The following PDE8B variants were observed in gnomAD, a reference collection of about 807,000 sequenced individuals.
PDE8B encodes high affinity cAMP-specific and IBMX-insensitive 3',5'-cyclic phosphodiesterase 8B.
PDE8B carries 26 observed loss-of-function variants against 101.3 expected under a neutral mutation model. The ratio of observed to expected loss-of-function variants is 0.26; its 90% CI spans 0.19 to 0.36. The LOEUF (loss-of-function observed/expected upper bound fraction) is 0.36, where lower values mean the gene tolerates loss of function less well. PDE8B is among the 10% of genes least tolerant of loss of function. The pLI is 1.00. For synonymous variants in PDE8B, 424 were observed against 429.3 expected (o/e 0.99, Z 0.15); for missense variants, 810 against 1,163.1 (o/e 0.70, Z 4.42).
chr5:77,368,040 T>G (rs778501919), intron 10 of PDE8B, among the ~76,000 whole-genome samples: 2 of 152,248 alleles, frequency 1.3e-5, no homozygotes, highest in Non-Finnish European at 2.9e-5. Context: ...GAATAAGAGA[T>G]AAGTTGGAAA....
the PDE8B span, among the ~76,000 whole-genome samples, chr5:77,101,613 C>T: frequency 6.6e-6 from 1 of 152,092 alleles, no homozygotes; most frequent in Non-Finnish European, 1.5e-5. Context: ...TATCGTGCAT[C>T]TGACACGTTG....
intron 11 of PDE8B, among the ~76,000 whole-genome samples, chr5:77,403,687 T>A (rs1302007553): frequency 6.6e-6 from 1 of 152,174 alleles, no homozygotes; most frequent in Non-Finnish European, 1.5e-5. Context: ...GTATAATAAA[T>A]ATTTTAAGCT....
the PDE8B span, among the ~76,000 whole-genome samples, chr5:77,116,179 C>G: frequency 6.9e-6 from 1 of 145,612 alleles, no homozygotes; most frequent in Non-Finnish European, 1.5e-5. Flanking sequence ...CCAAAGTCTT[C>G]AGAGTCTGAG....
intron 1 of PDE8B, among the ~76,000 whole-genome samples, chr5:77,218,406 G>A (rs1750286204): frequency 3.9e-5 from 6 of 152,324 alleles, no homozygotes; most frequent in Admixed American, 3.9e-4. Flanking sequence ...AATTTCCCAA[G>A]GCGAGGACTG....
chr5:77,291,555 A>C (rs1015257405), intron 1 of PDE8B: 1 of 1,601,094 alleles, frequency 6.2e-7, no homozygotes, highest in Non-Finnish European at 8.5e-7. Flanking sequence ...ACTTTCAAGT[A>C]GCAACTTTAC....
At chr5:77,393,832 G>A (rs1349080987) in intron 10 of PDE8B, among the ~76,000 whole-genome samples, 1 of 152,150 alleles carries the variant, frequency 6.6e-6, no homozygotes, top group Non-Finnish European at 1.5e-5. Context: ...CTGTCAGAAA[G>A]TGATATTCTT....
At chr5:77,326,047 T>C (rs1164857154) in intron 3 of PDE8B, among the ~76,000 whole-genome samples, 1 of 152,216 alleles carries the variant, frequency 6.6e-6, no homozygotes, top group Non-Finnish European at 1.5e-5. Context: ...ATTACACAGA[T>C]ACGGTTTGGA....
Position 77,419,783 on chromosome 5 carries a change from C to T in PDE8B, c.2146C>T (p.Leu716=), listed in dbSNP as rs571323043. Residue 716 remains leucine, a synonymous_variant, in exon 19 of 22, where the codon CTG becomes TTG. Transcript: ENST00000264917. Reference sequence around the variant, plus strand: ...TTATTTTAGGAACCATTATCGAACGCTGCGCCAGGCTATTATTGACATGGT... The same window carrying T: ...TTATTTTAGGAACCATTATCGAACGTTGCGCCAGGCTATTATTGACATGGT... ...KNIDRNHYRT[L]RQAIIDMVLA... is the part of the protein sequence containing the mutation. The T allele has an allele frequency of 5.6e-6, 9 of 1,614,054 alleles. No individual in the cohort carries two copies. The South Asian group carries it at 9.9e-5, about 18-fold the overall frequency.
the PDE8B span, among the ~76,000 whole-genome samples, chr5:77,153,498 G>C: frequency 5.7e-4 from 87 of 152,020 alleles, no homozygotes; most frequent in African/African-American, 1.7e-3. Context: ...ATAGATATTG[G>C]ACAGTTTATT....
intron 10 of PDE8B, among the ~76,000 whole-genome samples, chr5:77,361,588 C>T (rs1442443639): frequency 6.6e-6 from 1 of 151,132 alleles, no homozygotes. Flanking sequence ...GATCTCGGCT[C>T]ACTGCAAGCT....
At chr5:77,181,880 C>T in the PDE8B span, among the ~76,000 whole-genome samples, 1 of 152,200 alleles carries the variant, frequency 6.6e-6, no homozygotes, top group South Asian at 2.1e-4. Context: ...AGGCGAGGGC[C>T]AGAGGACCCG....
At chr5:77,166,709 A>G in the PDE8B span, 2 of 152,316 alleles carry the variant, frequency 1.3e-5, no homozygotes, top group East Asian at 3.9e-4. Context: ...GGGCGGGAAG[A>G]GAGCCTGTGC....
rs1227780936 is a variant in PDE8B at position 77,421,864 on chromosome 5, T to G, written c.2294T>G (p.Phe765Cys). The change falls in exon 20 of 22, where the codon TTC becomes TGC. Residue 765 changes from phenylalanine (F) to cysteine (C), a missense_variant. Coordinates refer to ENST00000264917, the MANE Select transcript of PDE8B (RefSeq NM_003719.5). ...DCECNPAGKNFPENQILIKRM... is the reference protein window; with the variant it reads ...DCECNPAGKNCPENQILIKRM... ...GAATGCAACCCTGCTGGGAAGAACT[T>G]CCCTGAAAACCAAATCCTGATCAAA... 1.2e-6 allele frequency: 2 copies of G among 1,614,098 alleles called. No individual in the cohort carries two copies. The highest frequency in any genetic ancestry group is 2.2e-5 in the South Asian group (2 of 91,066).
chr5:77,179,343 T>C, the PDE8B span, among the ~76,000 whole-genome samples: 2 of 152,252 alleles, frequency 1.3e-5, no homozygotes, highest in African/African-American at 4.8e-5. Flanking sequence ...CAGATTGTTG[T>C]TGGTCTTGGT....
Position 77,426,513 on chromosome 5 carries a change from G to T in PDE8B, c.2617G>T (p.Asp873Tyr). ...CTACAAACACTGGAAGACACTAGAT[G>T]ACCTAAAGTGCAAAAGTTTGAGGCT... Reference protein sequence around the residue: ...DNYKHWKTLDDLKCKSLRLPS... With the variant: ...DNYKHWKTLDYLKCKSLRLPS... The change falls in exon 22 of 22, where the codon GAC becomes TAC. Residue 873 changes from aspartate (D) to tyrosine (Y), a missense_variant. Physicochemically the swap from Asp to Tyr is radical, Grantham distance 160 (BLOSUM62 -3). Coordinates refer to ENST00000264917, the MANE Select transcript of PDE8B (RefSeq NM_003719.5). 1 of 1,613,582 alleles carries T rather than the reference G, an allele frequency of 6.2e-7. No individual in the cohort carries two copies. The highest frequency in any genetic ancestry group is 1.1e-5 in the South Asian group (1 of 91,042).
chr5:77,417,514 CTT>C (rs1795816635), intron 17 of PDE8B, among the ~76,000 whole-genome samples: 1 of 152,160 alleles, frequency 6.6e-6, no homozygotes, highest in Non-Finnish European at 1.5e-5. Flanking sequence ...CACAACATCT[CTT>C]ATATAACAGT....
the PDE8B span, among the ~76,000 whole-genome samples, chr5:77,193,538 G>A: frequency 1.3e-5 from 2 of 152,094 alleles, no homozygotes; most frequent in African/African-American, 4.8e-5. Context: ...CTATTTGTTT[G>A]TCCTTATGCC....
chr5:77,172,921 T>G, the PDE8B span, among the ~76,000 whole-genome samples: 1 of 152,200 alleles, frequency 6.6e-6, no homozygotes, highest in African/African-American at 2.4e-5. Context: ...AAACAGTATG[T>G]AAGCAAATGG....
intron 15 of PDE8B, 97 bp from the exon 16 acceptor site, chr5:77,412,003 C>G (rs2151096519): frequency 6.2e-6 from 8 of 1,291,682 alleles, no homozygotes; most frequent in Middle Eastern, 3.9e-4. Context: ...AGGTACAAGA[C>G]TTTTTTTCTA....
Sources: gnomAD v4.1 joint callset for allele counts (sites outside exome capture counted in the v4.1 genomes callset) on GRCh38, gnomAD v4.1.1 for gene constraint, MANE v1.5 for transcripts, NCBI Gene and HGNC (gene_info 2026-07-23, HGNC 2026-07-21) for gene names.